The following ZNF138 variants were observed in gnomAD, a reference collection of about 807,000 sequenced individuals.
The protein encoded by ZNF138 is zinc finger protein 138, also known as zinc finger protein 138 (clone pHZ-32).
Under a neutral mutation model 33.0 loss-of-function variants are expected in ZNF138, and 33 were observed. The observed-to-expected ratio is 1.00, with a 90% confidence interval of 0.76 to 1.34. The LOEUF is 1.34. Among genes scored for constraint, ZNF138 ranks in the 40% most tolerant of loss-of-function variants. The pLI is 0.00. For synonymous variants in ZNF138, 139 were observed against 120.4 expected (o/e 1.15, Z -1.01); for missense variants, 360 against 370.8 (o/e 0.97, Z 0.24).
At position 64,832,242 on chromosome 7, in the gene ZNF138, G is replaced by T. The variant is rs111399098; in HGVS notation, c.*40G>T. Reference sequence around the variant, plus strand: ...TAAGAAAATTTACACTAGAGAGAAAGCCTACAAATGTGAAGAATGTGGCAA... The same window carrying T: ...TAAGAAAATTTACACTAGAGAGAAATCCTACAAATGTGAAGAATGTGGCAA... On this transcript the variant is annotated 3_prime_UTR_variant, in exon 4 of 4. Coordinates refer to ENST00000307355, the MANE Select transcript of ZNF138 (RefSeq NM_001271639.2). 4,821 of 1,600,322 alleles carry T rather than the reference G, an allele frequency of 3.0e-3. 14 individuals are homozygous for T. The highest frequency in any genetic ancestry group is 3.6e-3 in the Non-Finnish European group (4,280 of 1,175,692).
At chr7:64,840,631 A>G in the ZNF138 span, among the ~76,000 whole-genome samples, 803 of 152,292 alleles carry the variant, frequency 5.3e-3, 7 homozygotes, top group African/African-American at 0.018. Flanking sequence ...AATGCTACTG[A>G]CTACAGGGTC....
chr7:64,834,122 A>G (rs1311414731), downstream of ZNF138, among the ~76,000 whole-genome samples: 4 of 150,550 alleles, frequency 2.7e-5, no homozygotes, highest in African/African-American at 9.8e-5. Context: ...TGTATCACAG[A>G]TCTTATTGTA....
At chr7:64,829,674 T>A (rs1562923791) in intron 3 of ZNF138, among the ~76,000 whole-genome samples, 1 of 70,834 alleles carries the variant, frequency 1.4e-5, no homozygotes, top group East Asian at 4.4e-4. Context: ...CTATGTGGTA[T>A]GTTAGCAGAT....
At chr7:64,820,865 A>G (rs1343223265) in intron 3 of ZNF138, among the ~76,000 whole-genome samples, 1 of 151,612 alleles carries the variant, frequency 6.6e-6, no homozygotes, top group Admixed American at 6.6e-5. Flanking sequence ...CACCCAGCCC[A>G]TAATTTTATT....
intron 3 of ZNF138, among the ~76,000 whole-genome samples, chr7:64,820,401 G>T (rs532282843): frequency 5.9e-5 from 9 of 151,740 alleles, no homozygotes; most frequent in African/African-American, 1.7e-4. Context: ...TCCATTTTGT[G>T]TATATGTTAC....
chr7:64,831,727 C>A lies in ZNF138; in HGVS notation c.485C>A (p.Thr162Asn), dbSNP rs1203297583. The A allele has an allele frequency of 6.2e-7, 1 of 1,613,320 alleles. No individual in the cohort carries two copies. Among genetic ancestry groups the A allele is most frequent in the East Asian group, 2.2e-5 (1 of 44,846 alleles). The change falls in exon 4 of 4, where the codon ACT (threonine) becomes AAT (asparagine). Residue 162 changes from threonine to asparagine, a missense_variant. By Grantham distance (65) the Thr-to-Asn change is moderately conservative (BLOSUM62 0). Transcript: ENST00000307355. ...TCAAATAGACACAAGATAAGACATACTGAAAATAAACATTTCAGATGTAAA... is the reference window on the plus strand; with the variant it reads ...TCAAATAGACACAAGATAAGACATAATGAAAATAAACATTTCAGATGTAAA... Reference protein sequence around the residue: ...SNSNRHKIRHTENKHFRCKEC... With the variant: ...SNSNRHKIRHNENKHFRCKEC...
chr7:64,833,136 C>A lies in ZNF138; in HGVS notation c.*934C>A. The stretch of plus-strand genomic sequence containing the variant: ...TTACAATCCTCAAAACTTCTTACAC[C>A]TAAAATTCATGCAGGAGAGAAACAC... On this transcript the variant is annotated 3_prime_UTR_variant, in exon 4 of 4. Transcript: ENST00000307355. The A allele has an allele frequency of 7.9e-6, 2 of 252,660 alleles. No homozygotes were observed. The highest frequency in any genetic ancestry group is 8.0e-6 in the Non-Finnish European group (1 of 124,992). The allele number at this position is 252,660 out of a possible 1,614,324, so 15.7% of individuals were successfully genotyped here. A position where few individuals can be genotyped will look rare whatever the true frequency, so the allele number is the denominator to read the frequency against.
intron 1 of ZNF138, among the ~76,000 whole-genome samples, chr7:64,796,055 C>G (rs1035563276): frequency 6.6e-6 from 1 of 152,216 alleles, no homozygotes; most frequent in Admixed American, 6.5e-5. Context: ...AGATTGTCTT[C>G]AAACCAACCC....
chr7:64,826,949 C>T (rs1175091838), intron 3 of ZNF138, among the ~76,000 whole-genome samples: 7 of 151,592 alleles, frequency 4.6e-5, no homozygotes, highest in Non-Finnish European at 8.8e-5. Context: ...TGTGCCTGGC[C>T]TCATTTTTCA....
In ZNF138 at chr7:64,832,449, T is replaced by C. The variant is rs570522585; in HGVS notation, c.*247T>C. The C allele has an allele frequency of 4.6e-4, 654 of 1,408,272 alleles. 5 individuals are homozygous for C. The African/African-American group carries it at 8.4e-3, about 18-fold the overall frequency. The allele number at this position is 1,408,272 out of a possible 1,614,324, so 87.2% of individuals were successfully genotyped here. A position where few individuals can be genotyped will look rare whatever the true frequency, so the allele number is the denominator to read the frequency against. On this transcript the variant is annotated 3_prime_UTR_variant, in exon 4 of 4. Transcript: ENST00000307355. ...AGAATGTGGAAAAGCTTTTCACCGA[T>C]ACTCAATCCTTAGTACACATAAGAA...
chr7:64,822,206 A>G (rs1251015975), intron 3 of ZNF138, among the ~76,000 whole-genome samples: 7 of 151,572 alleles, frequency 4.6e-5, no homozygotes, highest in Admixed American at 6.6e-5. Flanking sequence ...GGCGTGAGCC[A>G]CCGTGCCTGG....
chr7:64,827,576 A>G (rs766938008), intron 3 of ZNF138, among the ~76,000 whole-genome samples: 5 of 152,148 alleles, frequency 3.3e-5, no homozygotes, highest in African/African-American at 9.7e-5. Flanking sequence ...CTCACCTTTT[A>G]TCTTGGAGAG....
chr7:64,796,570 A>G (rs1042738465), intron 1 of ZNF138, among the ~76,000 whole-genome samples: 1 of 152,198 alleles, frequency 6.6e-6, no homozygotes. Flanking sequence ...CTAATCATAT[A>G]TTCTATTTGT....
intron 2 of ZNF138, 93 bp downstream of exon 2, chr7:64,815,137 T>A: frequency 4.7e-6 from 6 of 1,265,962 alleles, no homozygotes; most frequent in Non-Finnish European, 6.3e-6. Context: ...AATTTATGCT[T>A]TGCATAAATG....
At position 64,814,943 on chromosome 7, in the gene ZNF138, C is replaced by G. The variant is rs746220565; in HGVS notation, c.29C>G (p.Ala10Gly). The stretch of plus-strand genomic sequence containing the variant: ...GGACCACTGACATTTATGGATGTGG[C>G]CATAGAGTTCTCTTTGGAGGAGTGG... MGPLTFMDV[A>G]IEFSLEEWQC... Residue 10 changes from alanine to glycine, a missense_variant, in exon 2 of 4, where the codon GCC (alanine) becomes GGC (glycine). By Grantham distance (60) the Ala-to-Gly change is moderately conservative. Transcript: ENST00000307355. 6.2e-7 allele frequency: 1 copy of G among 1,612,880 alleles called. No homozygotes were observed. Among genetic ancestry groups the G allele is most frequent in the African/African-American group, 1.3e-5 (1 of 74,786 alleles).
At chr7:64,803,027 G>A (rs2128987868) in intron 1 of ZNF138, among the ~76,000 whole-genome samples, 1 of 152,202 alleles carries the variant, frequency 6.6e-6, no homozygotes, top group South Asian at 2.1e-4. Context: ...CACTGTAGGA[G>A]AAAATATAAA....
At chr7:64,816,586 A>G (rs749474032) in intron 3 of ZNF138, among the ~76,000 whole-genome samples, 6 of 152,042 alleles carry the variant, frequency 3.9e-5, no homozygotes, top group Non-Finnish European at 8.8e-5. Context: ...ACATGTTTTA[A>G]TGTACTTTTT....
At chr7:64,798,584 G>A (rs1388598893) in intron 1 of ZNF138, among the ~76,000 whole-genome samples, 1 of 152,082 alleles carries the variant, frequency 6.6e-6, no homozygotes, top group Non-Finnish European at 1.5e-5. Flanking sequence ...CTGAGGTCGG[G>A]AGTTTGAGAC....
chr7:64,796,806 G>A (rs1786724111), intron 1 of ZNF138, among the ~76,000 whole-genome samples: 2 of 152,238 alleles, frequency 1.3e-5, no homozygotes, highest in Admixed American at 6.5e-5. Context: ...ACTGTGGGAG[G>A]CCAAGGCAGG....
Sources: allele counts gnomAD v4.1 joint callset (sites outside exome capture counted in the v4.1 genomes callset), GRCh38; gene constraint gnomAD v4.1.1; transcripts MANE v1.5; gene names NCBI Gene and HGNC (gene_info 2026-07-23, HGNC 2026-07-21).